The following MAML3 variants were observed in gnomAD, a reference collection of about 807,000 sequenced individuals.
MAML3 encodes the protein mastermind like transcriptional coactivator 3.
A neutral mutation model predicts 101.9 loss-of-function variants in MAML3; 27 were observed. The observed-to-expected ratio is 0.27, with a 90% confidence interval of 0.20 to 0.37. The LOEUF (loss-of-function observed/expected upper bound fraction) is 0.37. MAML3 is among the 10% of genes least tolerant of loss of function. MAML3 has a pLI of 1.00. For missense variants in MAML3, 1,316 were observed against 1,444.9 expected, an observed-to-expected ratio of 0.91 and a Z score of 1.45; for synonymous variants, 501 against 555.9, an observed-to-expected ratio of 0.90 and a Z score of 1.39.
At chr4:140,093,530 C>A (rs1375546638) in intron 1 of MAML3, among the ~76,000 whole-genome samples, 1 of 151,558 alleles carries the variant, frequency 6.6e-6, no homozygotes, top group African/African-American at 2.4e-5. Flanking sequence ...CATTCTCCTG[C>A]CTCAGCCTCC....
chr4:140,010,858 C>G (rs556008172), intron 1 of MAML3, among the ~76,000 whole-genome samples: 1 of 152,024 alleles, frequency 6.6e-6, no homozygotes, highest in South Asian at 2.1e-4. Flanking sequence ...ATCCCAGCAC[C>G]TTGGGAGGCC....
chr4:139,757,642 CAA>C (rs10583574), intron 2 of MAML3, among the ~76,000 whole-genome samples: 56,313 of 104,826 alleles, frequency 0.54, 14,227 homozygotes, highest in Middle Eastern at 0.72. Flanking sequence ...GGCTCCATTT[CAA>C]AAAAAAAAAA....
rs572472508 is a variant in MAML3, at chr4:139,760,403, G to T, written c.2080-29736C>A. Among the ~76,000 whole-genome samples the T allele has an allele frequency of 2.6e-5, 4 of 152,326 alleles. No homozygotes were observed. In the South Asian group the frequency reaches 8.3e-4, roughly 32 times the overall value. ...AGAATGTGGGCTTTGGAATCAGTCT[G>T]CTGGGCTGTAATCCCAGCACTTCGG... On this transcript the variant is annotated intron_variant, in intron 2 of 4. Coordinates refer to ENST00000509479, the MANE Select transcript of MAML3 (RefSeq NM_018717.5).
At chr4:139,994,468 C>T in intron 1 of MAML3, among the ~76,000 whole-genome samples, 1 of 152,066 alleles carries the variant, frequency 6.6e-6, no homozygotes, top group East Asian at 1.9e-4. Context: ...AGGTTGAGAC[C>T]AGGCTGGGCA....
chr4:139,992,112 G>T (rs1205412569), intron 1 of MAML3, among the ~76,000 whole-genome samples: 1 of 152,134 alleles, frequency 6.6e-6, no homozygotes, highest in Non-Finnish European at 1.5e-5. Context: ...TATAAATGTA[G>T]TTTTTTGTAT....
At chr4:139,998,720 C>T (rs1047963964) in intron 1 of MAML3, among the ~76,000 whole-genome samples, 1 of 152,168 alleles carries the variant, frequency 6.6e-6, no homozygotes, top group African/African-American at 2.4e-5. Flanking sequence ...TATTTTTCCC[C>T]TGAAAGTTGT....
intron 2 of MAML3, among the ~76,000 whole-genome samples, chr4:139,860,020 C>T (rs1731742868): frequency 6.6e-6 from 1 of 152,168 alleles, no homozygotes; most frequent in South Asian, 2.1e-4. Flanking sequence ...CTCGAGTACC[C>T]GGGGGCAGGC....
chr4:139,983,134 A>T (rs1450399839), intron 1 of MAML3, among the ~76,000 whole-genome samples: 2 of 152,188 alleles, frequency 1.3e-5, no homozygotes, highest in African/African-American at 4.8e-5. Flanking sequence ...TCCACACATT[A>T]AGGTACATTC....
At chr4:139,807,185 ACTTTGGTTTCTTCAG>A (rs1467243703) in intron 2 of MAML3, among the ~76,000 whole-genome samples, 17 of 152,120 alleles carry the variant, frequency 1.1e-4, no homozygotes, top group African/African-American at 4.1e-4. Context: ...CGTTCTCTAA[ACTTTGGTTTCTTCAG>A]CTTAAAAATA....
chr4:139,816,454 C>T (rs1730893831), intron 2 of MAML3, among the ~76,000 whole-genome samples: 1 of 152,164 alleles, frequency 6.6e-6, no homozygotes, highest in Admixed American at 6.5e-5. Context: ...CCAACTTACA[C>T]CATTCGAACA....
intron 1 of MAML3, among the ~76,000 whole-genome samples, chr4:140,074,223 A>AGAGAGAGAGAGAAAGAAAG (rs1560885554): frequency 1.4e-3 from 61 of 42,148 alleles, no homozygotes; most frequent in Admixed American, 3.2e-3. Flanking sequence ...GAAAGAAAGA[A>AGAGAGAGAGAGAAAGAAAG]AGAAAGAAAG....
chr4:139,910,247 G>T (rs1732893900), intron 1 of MAML3, among the ~76,000 whole-genome samples: 1 of 152,162 alleles, frequency 6.6e-6, no homozygotes, highest in Non-Finnish European at 1.5e-5. Flanking sequence ...CAGTCCCCAG[G>T]CTTTCTGAAT....
At chr4:139,918,248 A>G (rs1429280962) in intron 1 of MAML3, among the ~76,000 whole-genome samples, 1 of 151,766 alleles carries the variant, frequency 6.6e-6, no homozygotes, top group Non-Finnish European at 1.5e-5. Context: ...CCTTATATAG[A>G]CTCCCATTTC....
At position 140,147,937 on chromosome 4, in the gene MAML3, C is replaced by G. The variant is rs138674658; in HGVS notation, c.468+4923G>C. Among the ~76,000 whole-genome samples, 901 of 146,076 alleles carry G rather than the reference C, an allele frequency of 6.2e-3. 11 individuals are homozygous for G. Among genetic ancestry groups the G allele is most frequent in the African/African-American group, 0.022 (859 of 39,278 alleles). ...GTGAATGTGTGTGTGTGTGTGTGCA[C>G]GTGCATGCATGAGAGAGAGAAATGC... On this transcript the variant is annotated intron_variant, in intron 1 of 4. Transcript: ENST00000509479.
At chr4:139,994,613 T>C (rs543751013) in intron 1 of MAML3, among the ~76,000 whole-genome samples, 14 of 152,292 alleles carry the variant, frequency 9.2e-5, no homozygotes, top group African/African-American at 3.1e-4. Context: ...TGAGCTATGA[T>C]TGTGCCACTG....
chr4:139,819,419 T>C (rs1009845770), intron 2 of MAML3, among the ~76,000 whole-genome samples: 2 of 152,218 alleles, frequency 1.3e-5, no homozygotes, highest in African/African-American at 4.8e-5. Flanking sequence ...AGTATTTTGT[T>C]CCATAGGTAG....
chr4:139,998,449 C>A (rs1734859890), intron 1 of MAML3, among the ~76,000 whole-genome samples: 1 of 152,152 alleles, frequency 6.6e-6, no homozygotes, highest in Non-Finnish European at 1.5e-5. Context: ...AACATGGTTT[C>A]TTCCAGATCT....
intron 1 of MAML3, among the ~76,000 whole-genome samples, chr4:139,925,883 C>T (rs1011367610): frequency 1.3e-5 from 2 of 152,164 alleles, no homozygotes; most frequent in Non-Finnish European, 2.9e-5. Flanking sequence ...GTCCATTCAC[C>T]TTGGGACTGA....
Position 140,104,417 on chromosome 4 carries a change from T to C in MAML3, c.468+48443A>G, listed in dbSNP as rs1193610136. Among the ~76,000 whole-genome samples the C allele has an allele frequency of 1.7e-4, 6 of 36,306 alleles. 1 individual carries two copies. The highest frequency in any genetic ancestry group is 7.1e-5 in the Non-Finnish European group (1 of 14,182). The allele number at this position is 36,306 out of a possible 152,430, so 23.8% of individuals were successfully genotyped here. A position where few individuals can be genotyped will look rare whatever the true frequency, so the allele number is the denominator to read the frequency against. ...ATATTATATAATATATAATATAATATATAATATACACGAATGTGTATATAC... is the reference window on the plus strand; with the variant it reads ...ATATTATATAATATATAATATAATACATAATATACACGAATGTGTATATAC... On this transcript the variant is annotated intron_variant, in intron 1 of 4. Transcript: ENST00000509479.
Sources: allele counts gnomAD v4.1 joint callset (sites outside exome capture counted in the v4.1 genomes callset), GRCh38; gene constraint gnomAD v4.1.1; transcripts MANE v1.5; gene names NCBI Gene and HGNC (gene_info 2026-07-23, HGNC 2026-07-21).